Variants in DESI2 observed in about 807,000 individuals in gnomAD.
DESI2 encodes desumoylating isopeptidase 2.
A neutral mutation model predicts 24.1 loss-of-function variants in DESI2; 10 were observed. That is an observed-to-expected ratio of 0.41 (90% confidence interval 0.26 to 0.70). DESI2 has a LOEUF of 0.70. DESI2 is among the 30% of genes least tolerant of loss of function. The pLI is 0.29. For synonymous variants in DESI2, 71 were observed against 87.7 expected, an observed-to-expected ratio of 0.81 and a Z score of 1.06; for missense variants, 122 against 234.9, an observed-to-expected ratio of 0.52 and a Z score of 3.14.
intron 1 of DESI2, among the ~76,000 whole-genome samples, chr1:244,685,451 C>T (rs1573211814): frequency 6.6e-6 from 1 of 152,060 alleles, no homozygotes; most frequent in African/African-American, 2.4e-5. Context: ...GCAACAATGC[C>T]ATATTGTTTT....
At chr1:244,680,948 CTT>C (rs34557918) in intron 1 of DESI2, among the ~76,000 whole-genome samples, 14,498 of 141,106 alleles carry the variant, frequency 0.1, 1,120 homozygotes, top group African/African-American at 0.22. Context: ...CCTCCTTTTA[CTT>C]TTTTTTTTTT....
At chr1:244,660,774 TAA>T (rs1237547859) in intron 1 of DESI2, among the ~76,000 whole-genome samples, 3 of 152,232 alleles carry the variant, frequency 2.0e-5, no homozygotes, top group Non-Finnish European at 4.4e-5. Context: ...TTATTTGAAA[TAA>T]GTCTTTCCTC....
chr1:244,707,183 T>C lies in DESI2; in HGVS notation c.*1394T>C, dbSNP rs1316409821. 2.0e-5 allele frequency: 3 copies of C among 152,622 alleles called. No individual in the cohort carries two copies. The highest frequency in any genetic ancestry group is 4.4e-5 in the Non-Finnish European group (3 of 68,046). 9.5% of individuals were successfully genotyped at this position (152,622 alleles called of 1,614,324 possible). A position where few individuals can be genotyped will look rare whatever the true frequency, so the allele number is the denominator to read the frequency against. ...TAAAATATAGTTAGTTTTAAAATTATTGACATTTATTTAAACTTTTAGATT... is the reference window on the plus strand; with the variant it reads ...TAAAATATAGTTAGTTTTAAAATTACTGACATTTATTTAAACTTTTAGATT... On this transcript the variant is annotated 3_prime_UTR_variant, in exon 5 of 5. Coordinates refer to ENST00000302550, the MANE Select transcript of DESI2 (RefSeq NM_016076.5).
intron 1 of DESI2, among the ~76,000 whole-genome samples, chr1:244,682,058 C>T (rs538985356): frequency 2.6e-5 from 4 of 152,226 alleles, no homozygotes; most frequent in Admixed American, 6.5e-5. Flanking sequence ...AGCTGCAGAC[C>T]CTTGTGGTCA....
At chr1:244,679,983 G>A (rs1349278494) in intron 1 of DESI2, among the ~76,000 whole-genome samples, 1 of 141,490 alleles carries the variant, frequency 7.1e-6, no homozygotes, top group African/African-American at 2.6e-5. Context: ...CTATATTCAT[G>A]TTTTCCCCAA....
intron 1 of DESI2, chr1:244,653,623 C>G (rs1201733175): frequency 1.5e-5 from 8 of 521,236 alleles, no homozygotes; most frequent in Non-Finnish European, 2.7e-5. Flanking sequence ...GGACCCGACC[C>G]CGGCTCTGGG....
intron 1 of DESI2, among the ~76,000 whole-genome samples, chr1:244,667,595 A>C (rs1372471094): frequency 1.3e-5 from 2 of 152,238 alleles, no homozygotes; most frequent in African/African-American, 4.8e-5. Context: ...GTAGGATACA[A>C]ATCCATGCAT....
intron 1 of DESI2, among the ~76,000 whole-genome samples, chr1:244,662,690 AGTCAGGATG>A (rs777258883): frequency 1.7e-4 from 26 of 152,344 alleles, no homozygotes; most frequent in Non-Finnish European, 3.1e-4. Flanking sequence ...GGACAGTGTA[AGTCAGGATG>A]GTATAGTTAC....
At chr1:244,664,044 ATT>A (rs1675954876) in intron 1 of DESI2, among the ~76,000 whole-genome samples, 1 of 138,586 alleles carries the variant, frequency 7.2e-6, no homozygotes, top group Non-Finnish European at 1.5e-5. Flanking sequence ...AAAAAAAAAA[ATT>A]ATTTAAGAAC....
chr1:244,669,441 G>A (rs1321017105), intron 1 of DESI2, among the ~76,000 whole-genome samples: 3 of 152,082 alleles, frequency 2.0e-5, no homozygotes, highest in African/African-American at 7.2e-5. Flanking sequence ...CACTTTGGGA[G>A]GCCGAGGTGG....
At chr1:244,655,901 C>G (rs1489968978) in intron 1 of DESI2, among the ~76,000 whole-genome samples, 1 of 152,132 alleles carries the variant, frequency 6.6e-6, no homozygotes, top group Non-Finnish European at 1.5e-5. Context: ...GGGTGAAGGG[C>G]TGAGGGGGCT....
At chr1:244,679,333 G>C (rs1256693450) in intron 1 of DESI2, among the ~76,000 whole-genome samples, 1 of 152,130 alleles carries the variant, frequency 6.6e-6, no homozygotes, top group Non-Finnish European at 1.5e-5. Context: ...AAGGAGGCGA[G>C]GACTAGATTA....
Position 244,685,147 on chromosome 1 carries a change from A to G in DESI2, c.43-1450A>G, listed in dbSNP as rs576038320. ...TCTTGTTTTTATGTAGTTTTATAAA[A>G]TAAAAAGTTGTACATTTTTATGTAG... is the stretch of plus-strand genomic sequence containing the variant. On this transcript the variant is annotated intron_variant, in intron 1 of 4. Transcript: ENST00000302550. 2.9e-4 allele frequency among the ~76,000 whole-genome samples: 44 copies of G among 152,322 alleles called. No individual in the cohort carries two copies. The South Asian group carries it at 8.5e-3, about 29-fold the overall frequency.
chr1:244,705,597 T>C lies in DESI2; in HGVS notation c.393T>C (p.Leu131=). Residue 131 remains leucine, a synonymous_variant, in exon 5 of 5, where the codon CTT becomes CTC. Coordinates refer to ENST00000302550, the MANE Select transcript of DESI2 (RefSeq NM_016076.5). ...AGATTCCTCGCTGGATCAATCGACT[T>C]GCCTACTTCAGCTCCTGTATACCCT... ...GKEIPRWINR[L]AYFSSCIPFL... 1 of 1,614,202 alleles carries C rather than the reference T, an allele frequency of 6.2e-7. No homozygotes were observed. The highest frequency in any genetic ancestry group is 8.5e-7 in the Non-Finnish European group (1 of 1,180,018).
chr1:244,666,114 A>G (rs1430332526), intron 1 of DESI2, among the ~76,000 whole-genome samples: 1 of 152,162 alleles, frequency 6.6e-6, no homozygotes, highest in Non-Finnish European at 1.5e-5. Flanking sequence ...CGAGACAACT[A>G]CAATATGTCA....
intron 1 of DESI2, among the ~76,000 whole-genome samples, chr1:244,662,555 A>G (rs763535526): frequency 2.6e-5 from 4 of 152,222 alleles, no homozygotes; most frequent in Non-Finnish European, 5.9e-5. Context: ...TATCCAGAAA[A>G]TAGTTAAATA....
intron 4 of DESI2, among the ~76,000 whole-genome samples, chr1:244,702,842 G>C (rs1677524967): frequency 6.6e-6 from 1 of 152,158 alleles, no homozygotes; most frequent in African/African-American, 2.4e-5. Context: ...ATTAGGACTT[G>C]GGAAGGAGAA....
chr1:244,679,327 A>G (rs1360770819), intron 1 of DESI2, among the ~76,000 whole-genome samples: 3 of 152,218 alleles, frequency 2.0e-5, no homozygotes, highest in Non-Finnish European at 4.4e-5. Flanking sequence ...TCTTGTAAGG[A>G]GGCGAGGACT....
At chr1:244,702,761 C>G (rs1274226409) in intron 4 of DESI2, among the ~76,000 whole-genome samples, 2 of 152,112 alleles carry the variant, frequency 1.3e-5, no homozygotes, top group Non-Finnish European at 2.9e-5. Flanking sequence ...GCCACACCCT[C>G]AGGGGTTGGA....
Sources: gnomAD v4.1 joint callset for allele counts (sites outside exome capture counted in the v4.1 genomes callset) on GRCh38, gnomAD v4.1.1 for gene constraint, MANE v1.5 for transcripts, NCBI Gene and HGNC (gene_info 2026-07-23, HGNC 2026-07-21) for gene names.